PRKG1: variants seen among roughly 807,000 people sequenced by gnomAD.
PRKG1 encodes the protein cGMP-dependent protein kinase 1.
Under a neutral mutation model 88.1 loss-of-function variants are expected in PRKG1, and 35 were observed. The observed-to-expected ratio is 0.40, with a 90% confidence interval of 0.30 to 0.53. The LOEUF is 0.53. Ranked by LOEUF, PRKG1 falls within the 20% of genes least tolerant of loss-of-function variation. PRKG1 has a pLI of 0.59. For synonymous variants in PRKG1, 303 were observed against 292.5 expected, an observed-to-expected ratio of 1.04 and a Z score of -0.37; for missense variants, 540 against 839.8, an observed-to-expected ratio of 0.64 and a Z score of 4.41.
intron 5 of PRKG1, among the ~76,000 whole-genome samples, chr10:51,977,295 T>C (rs1843862234): frequency 6.6e-6 from 1 of 152,108 alleles, no homozygotes; most frequent in South Asian, 2.1e-4. Flanking sequence ...GAAAAAGATA[T>C]GATCTTATTC....
intron 8 of PRKG1, among the ~76,000 whole-genome samples, chr10:52,146,542 C>G (rs1158487469): frequency 6.6e-6 from 1 of 152,090 alleles, no homozygotes; most frequent in Non-Finnish European, 1.5e-5. Context: ...GCCAAACTGT[C>G]AGGTTGCAAA....
chr10:52,237,633 A>T (rs981033870), intron 9 of PRKG1, among the ~76,000 whole-genome samples: 90 of 141,694 alleles, frequency 6.4e-4, no homozygotes, highest in African/African-American at 2.4e-3. Flanking sequence ...GACCTCTTCA[A>T]GGAGAACTAC....
intron 2 of PRKG1, among the ~76,000 whole-genome samples, chr10:51,341,647 A>G (rs549975771): frequency 6.6e-5 from 10 of 152,240 alleles, no homozygotes; most frequent in African/African-American, 2.4e-4. Flanking sequence ...CTGGCACTTG[A>G]TATTTGATAG....
At chr10:51,687,517 T>A (rs1255702114) in intron 3 of PRKG1, among the ~76,000 whole-genome samples, 1 of 152,190 alleles carries the variant, frequency 6.6e-6, no homozygotes, top group Non-Finnish European at 1.5e-5. Context: ...TGTGTGATGT[T>A]AGGCAATATT....
At chr10:51,898,900 A>C (rs1368460095) in intron 4 of PRKG1, among the ~76,000 whole-genome samples, 2 of 152,206 alleles carry the variant, frequency 1.3e-5, no homozygotes, top group African/African-American at 2.4e-5. Context: ...ATAATTGTGC[A>C]CTTTATATTT....
chr10:51,465,436 A>G (rs1198402050), intron 2 of PRKG1, among the ~76,000 whole-genome samples: 2 of 152,158 alleles, frequency 1.3e-5, no homozygotes, highest in Non-Finnish European at 2.9e-5. Context: ...TTGCTTTTAG[A>G]TCTATTAGTA....
chr10:51,271,243 T>C (rs1050448301), intron 2 of PRKG1, among the ~76,000 whole-genome samples: 6 of 151,910 alleles, frequency 3.9e-5, no homozygotes, highest in Non-Finnish European at 7.3e-5. Context: ...TTTTATCCTA[T>C]TGAAGAAGAA....
intron 2 of PRKG1, among the ~76,000 whole-genome samples, chr10:51,171,676 G>A (rs1291871705): frequency 1.3e-5 from 2 of 152,068 alleles, no homozygotes; most frequent in Non-Finnish European, 2.9e-5. Context: ...GCAGCGATCT[G>A]TCCAGTAAAA....
chr10:51,366,272 T>C (rs1025508567), intron 2 of PRKG1, among the ~76,000 whole-genome samples: 1 of 151,896 alleles, frequency 6.6e-6, no homozygotes, highest in African/African-American at 2.4e-5. Flanking sequence ...TGTCTTTCAG[T>C]TTTTCCTAGT....
intron 2 of PRKG1, among the ~76,000 whole-genome samples, chr10:51,453,596 T>G (rs1170537857): frequency 6.6e-6 from 1 of 152,044 alleles, no homozygotes. Context: ...TCAGATTAAT[T>G]TCCATGTATT....
intron 3 of PRKG1, among the ~76,000 whole-genome samples, chr10:51,587,046 T>G (rs1838190861): frequency 6.6e-6 from 1 of 152,136 alleles, no homozygotes; most frequent in Non-Finnish European, 1.5e-5. Flanking sequence ...TCACTAAAAA[T>G]GGGTCTCACT....
intron 12 of PRKG1, among the ~76,000 whole-genome samples, chr10:52,278,727 C>A (rs1400671381): frequency 6.6e-6 from 1 of 151,650 alleles, no homozygotes; most frequent in African/African-American, 2.4e-5. Flanking sequence ...GGAGGTCGAA[C>A]CCCCATCTCT....
At chr10:51,367,860 C>T (rs7916769) in intron 2 of PRKG1, among the ~76,000 whole-genome samples, 4,031 of 152,004 alleles carry the variant, frequency 0.027, 156 homozygotes, top group African/African-American at 0.089. Flanking sequence ...TTTCTGTTGA[C>T]ATTCAGAGCA....
chr10:51,699,331 G>T, intron 3 of PRKG1: 1 of 1,614,092 alleles, frequency 6.2e-7, no homozygotes, highest in Non-Finnish European at 8.5e-7. Context: ...GGTTCCGCAT[G>T]GCACTAAGCG....
intron 9 of PRKG1, among the ~76,000 whole-genome samples, chr10:52,167,702 T>TAC (rs1838525485): frequency 6.6e-6 from 1 of 151,876 alleles, no homozygotes; most frequent in Non-Finnish European, 1.5e-5. Context: ...CAAACTACTT[T>TAC]GTGTCGTGAC....
At chr10:51,486,412 A>G (rs995513689) in intron 3 of PRKG1, among the ~76,000 whole-genome samples, 1 of 152,208 alleles carries the variant, frequency 6.6e-6, no homozygotes, top group Admixed American at 6.5e-5. Flanking sequence ...TCACAATTGT[A>G]TACTTACTCC....
intron 2 of PRKG1, among the ~76,000 whole-genome samples, chr10:51,174,597 T>G (rs1307570193): frequency 6.6e-6 from 1 of 152,046 alleles, no homozygotes; most frequent in Non-Finnish European, 1.5e-5. Context: ...TCATGGTCAA[T>G]TTCAAACTAC....
chr10:52,276,435 T>C (rs2132440695), intron 12 of PRKG1, among the ~76,000 whole-genome samples: 1 of 152,292 alleles, frequency 6.6e-6, no homozygotes, highest in African/African-American at 2.4e-5. Flanking sequence ...TGATGAGAGA[T>C]GCTTAGCTCC....
chr10:51,488,550 A>G lies in PRKG1; in HGVS notation c.592+20714A>G, dbSNP rs576822086. Among the ~76,000 whole-genome samples, 14 of 152,246 alleles carry G rather than the reference A, an allele frequency of 9.2e-5. No homozygotes were observed. The South Asian group carries it at 2.5e-3, about 27-fold the overall frequency. On this transcript the variant is annotated intron_variant, in intron 3 of 17. Coordinates refer to ENST00000373980, the MANE Select transcript of PRKG1 (RefSeq NM_006258.4). ...AGCTCCGTAGTAGACTTTGACATCT[A>G]TATTTACTACTAGATGATGTTTGTG... is the stretch of plus-strand genomic sequence containing the variant.
Sources: gnomAD v4.1 joint callset for allele counts (sites outside exome capture counted in the v4.1 genomes callset) on GRCh38, gnomAD v4.1.1 for gene constraint, MANE v1.5 for transcripts, NCBI Gene and HGNC (gene_info 2026-07-23, HGNC 2026-07-21) for gene names.